Variants in FOCAD observed in about 807,000 individuals in gnomAD.
FOCAD encodes the protein focadhesin.
FOCAD carries 198 observed loss-of-function variants against 225.6 expected under a neutral mutation model. The ratio of observed to expected loss-of-function variants is 0.88; its 90% confidence interval spans 0.78 to 0.99. FOCAD has a LOEUF of 0.99. FOCAD is among the 50% of genes least tolerant of loss of function. FOCAD has a pLI of 0.00. For synonymous variants in FOCAD, 897 were observed against 755.0 expected (o/e 1.19, Z -3.08); for missense variants, 2,713 against 2,123.6 (o/e 1.28, Z -5.46).
chr9:20,678,325 C>A (rs866730981), intron 2 of FOCAD, among the ~76,000 whole-genome samples: 2 of 152,096 alleles, frequency 1.3e-5, no homozygotes, highest in African/African-American at 4.8e-5. Context: ...CCAAGCTGAC[C>A]TTGAGCAAAC....
At chr9:20,964,818 G>T (rs1044768338) in intron 35 of FOCAD, among the ~76,000 whole-genome samples, 2 of 152,164 alleles carry the variant, frequency 1.3e-5, no homozygotes, top group African/African-American at 4.8e-5. Context: ...ACAGGCGTGA[G>T]CCAGAGCATC....
intron 35 of FOCAD, among the ~76,000 whole-genome samples, chr9:20,965,922 A>G (rs1162365040): frequency 1.3e-5 from 2 of 152,072 alleles, no homozygotes; most frequent in African/African-American, 2.4e-5. Flanking sequence ...CATTTTATTT[A>G]TGCATCAGTT....
chr9:20,896,397 T>C (rs1251884205), intron 21 of FOCAD, among the ~76,000 whole-genome samples: 1 of 151,936 alleles, frequency 6.6e-6, no homozygotes, highest in Non-Finnish European at 1.5e-5. Flanking sequence ...AAGTATTCTC[T>C]CTGCTTCTGC....
intron 4 of FOCAD, among the ~76,000 whole-genome samples, chr9:20,735,909 G>A (rs1459847484): frequency 1.3e-5 from 2 of 151,786 alleles, no homozygotes; most frequent in Non-Finnish European, 2.9e-5. Context: ...TTCAAAGTAT[G>A]TAATTCAGTG....
intron 15 of FOCAD, among the ~76,000 whole-genome samples, chr9:20,837,226 G>C (rs1355617246): frequency 2.0e-5 from 3 of 151,988 alleles, no homozygotes; most frequent in African/African-American, 7.2e-5. Context: ...CAAAATCATG[G>C]TCTCTGAGGA....
chr9:20,689,213 C>T (rs1365810669), intron 1 of FOCAD, among the ~76,000 whole-genome samples: 1 of 152,066 alleles, frequency 6.6e-6, no homozygotes, highest in Non-Finnish European at 1.5e-5. Context: ...TTTTAGGGTG[C>T]AGATGGCGTG....
chr9:20,816,807 A>G (rs911320099), intron 11 of FOCAD, among the ~76,000 whole-genome samples: 1 of 152,158 alleles, frequency 6.6e-6, no homozygotes, highest in Non-Finnish European at 1.5e-5. Flanking sequence ...AAAAATAAGA[A>G]TTTAGCAATA....
chr9:20,857,294 T>A (rs756242663), intron 15 of FOCAD, among the ~76,000 whole-genome samples: 1 of 151,986 alleles, frequency 6.6e-6, no homozygotes, highest in Non-Finnish European at 1.5e-5. Context: ...ATAGTTTTCA[T>A]TGTAGAGATC....
intron 42 of FOCAD, among the ~76,000 whole-genome samples, chr9:20,991,574 A>G (rs1251465260): frequency 1.3e-5 from 2 of 152,168 alleles, no homozygotes; most frequent in African/African-American, 4.8e-5. Context: ...GCACTTTGGG[A>G]GGCCAAGGCA....
At chr9:20,789,926 C>T (rs1448114890) in intron 11 of FOCAD, among the ~76,000 whole-genome samples, 1 of 152,054 alleles carries the variant, frequency 6.6e-6, no homozygotes, top group Admixed American at 6.5e-5. Context: ...GGAACCTATT[C>T]CAAGATACAT....
chr9:20,676,754 T>C (rs1263643462), intron 2 of FOCAD, among the ~76,000 whole-genome samples: 1 of 152,080 alleles, frequency 6.6e-6, no homozygotes, highest in Non-Finnish European at 1.5e-5. Context: ...AAGACACAGA[T>C]AAATGGAAAG....
Position 20,707,753 on chromosome 9 carries a change from T to C in FOCAD, c.-32-7569T>C, listed in dbSNP as rs191031884. The stretch of plus-strand genomic sequence containing the variant: ...CCAGAGGTAGAAGAAAAGCCACGTA[T>C]AAGTGGACCTTTTCTCAAGGGTCAA... On this transcript the variant is annotated intron_variant, in intron 1 of 43. Coordinates refer to ENST00000338382, the MANE Select transcript of FOCAD (RefSeq NM_001375567.1). Among the ~76,000 whole-genome samples the C allele has an allele frequency of 2.2e-3, 335 of 152,294 alleles. 1 individual carries two copies. Among genetic ancestry groups the C allele is most frequent in the African/African-American group, 7.6e-3 (316 of 41,558 alleles).
At chr9:20,986,062 C>G (rs1841122831) in intron 39 of FOCAD, among the ~76,000 whole-genome samples, 1 of 151,866 alleles carries the variant, frequency 6.6e-6, no homozygotes, top group South Asian at 2.1e-4. Flanking sequence ...CTGACTAACT[C>G]CTGAACAAAT....
chr9:20,877,815 C>T (rs1024921286), intron 19 of FOCAD, among the ~76,000 whole-genome samples: 4 of 152,046 alleles, frequency 2.6e-5, no homozygotes, highest in Admixed American at 6.6e-5. Flanking sequence ...GAGGCTGAGA[C>T]GAGAGAGTCG....
At chr9:20,854,527 CG>C (rs1345967712) in intron 15 of FOCAD, among the ~76,000 whole-genome samples, 1 of 151,758 alleles carries the variant, frequency 6.6e-6, no homozygotes, top group Non-Finnish European at 1.5e-5. Context: ...GACTTTAAAA[CG>C]TGCTCTTCCC....
intron 1 of FOCAD, among the ~76,000 whole-genome samples, chr9:20,696,077 C>T (rs1823346602): frequency 6.6e-6 from 1 of 152,222 alleles, no homozygotes; most frequent in East Asian, 1.9e-4. Flanking sequence ...TCGACTTCTG[C>T]ATCTTAGTGT....
At chr9:20,671,982 T>TG (rs570741948) in intron 2 of FOCAD, among the ~76,000 whole-genome samples, 4 of 141,930 alleles carry the variant, frequency 2.8e-5, no homozygotes, top group Admixed American at 7.1e-5. Context: ...ACCGTTGTAG[T>TG]TTTTTTTTTT....
intron 2 of FOCAD, among the ~76,000 whole-genome samples, chr9:20,716,719 G>GT (rs1184528793): frequency 7.3e-5 from 11 of 151,586 alleles, no homozygotes; most frequent in Admixed American, 2.0e-4. Context: ...ATTCACACAC[G>GT]TTTTTTTTCA....
chr9:20,867,909 A>T (rs1829428258), intron 18 of FOCAD, among the ~76,000 whole-genome samples: 1 of 152,076 alleles, frequency 6.6e-6, no homozygotes, highest in South Asian at 2.1e-4. Context: ...GCCAGTAGGA[A>T]CCAGGCAAAT....
Sources: allele counts gnomAD v4.1 joint callset (sites outside exome capture counted in the v4.1 genomes callset), GRCh38; gene constraint gnomAD v4.1.1; transcripts MANE v1.5; gene names NCBI Gene and HGNC (gene_info 2026-07-23, HGNC 2026-07-21).